ZNF180: variants seen among roughly 807,000 people sequenced by gnomAD.
The protein encoded by ZNF180 is zinc finger protein 180 (HHZ168).
In ZNF180, 11 loss-of-function variants were observed where a neutral mutation model predicts 11.8. The observed-to-expected ratio is 0.93, with a 90% confidence interval of 0.59 to 1.55. ZNF180 has a LOEUF of 1.55. ZNF180 is among the 40% of genes most tolerant of loss of function. The probability of loss-of-function intolerance (pLI) is 0.00; values close to 1 mark genes in which losing one functional copy is unlikely to be tolerated. For missense variants in ZNF180, 773 were observed against 781.7 expected, an observed-to-expected ratio of 0.99 and a Z score of 0.13; for synonymous variants, 287 against 257.7, an observed-to-expected ratio of 1.11 and a Z score of -1.09.
chr19:44,490,293 AGGCGTGAGTCACCACAACT>A (rs1348676107), intron 2 of ZNF180, among the ~76,000 whole-genome samples: 1 of 152,230 alleles, frequency 6.6e-6, no homozygotes, highest in East Asian at 1.9e-4. Context: ...GTGGGATTAC[AGGCGTGAGTCACCACAACT>A]GGCCTAAACT....
At chr19:44,479,539 C>A in intron 3 of ZNF180, 130 bp from the exon 4 acceptor site, 1 of 1,262,530 alleles carries the variant, frequency 7.9e-7, no homozygotes, top group Non-Finnish European at 1.1e-6. Context: ...TGTCAGTGCC[C>A]AAAAGATTCC....
chr19:44,492,485 C>G (rs1206819683), intron 2 of ZNF180, among the ~76,000 whole-genome samples: 1 of 152,068 alleles, frequency 6.6e-6, no homozygotes, highest in Admixed American at 6.6e-5. Context: ...TTGACTTGCA[C>G]AGAGAAAAGG....
Position 44,476,476 on chromosome 19 carries a change from C to T in ZNF180, c.1924G>A (p.Ala642Thr), listed in dbSNP as rs754878929. The T allele has an allele frequency of 3.1e-6, 5 of 1,614,002 alleles. No homozygotes were observed. Among genetic ancestry groups the T allele is most frequent in the Non-Finnish European group, 4.2e-6 (5 of 1,179,934 alleles). Reference protein sequence around the residue: ...KPFTCIQCGKAFINSYKLIRH... With the variant: ...KPFTCIQCGKTFINSYKLIRH... ...ATAAGTTTATAGCTATTAATGAAAG[C>T]TTTTCCACACTGAATACATGTAAAG... Residue 642 changes from alanine (A) to threonine (T), a missense_variant, in exon 5 of 5, where the codon GCT (alanine) becomes ACT (threonine). Transcript: ENST00000592529.
At position 44,476,775 on chromosome 19, in the gene ZNF180, C is replaced by T. The variant is rs775083814; in HGVS notation, c.1625G>A (p.Arg542Lys). 1.2e-6 allele frequency: 2 copies of T among 1,613,998 alleles called. No homozygotes were observed. The highest frequency in any genetic ancestry group is 1.7e-6 in the Non-Finnish European group (2 of 1,180,008). Residue 542 changes from arginine to lysine, a missense_variant, in exon 5 of 5, where the codon AGA becomes AAA. By Grantham distance (26) the Arg-to-Lys change is conservative. Transcript: ENST00000592529. ...NRSSHLVMHQ[R>K]IHTGEKPYEC... ...ATACGGTTTTTCCCCAGTGTGAATT[C>T]TCTGATGCATAACAAGGTGAGAACT...
Position 44,477,227 on chromosome 19 carries a change from A to G in ZNF180, c.1173T>C (p.Phe391=), listed in dbSNP as rs775032668. ...GCACAACAAGGACATAACTCTGGCTAAAGGATTTCCCACATTGATTACACC... is the reference window on the plus strand; with the variant it reads ...GCACAACAAGGACATAACTCTGGCTGAAGGATTTCCCACATTGATTACACC... The part of the protein sequence containing the change: ...PYRCNQCGKS[F]SQSYVLVVHQ... Residue 391 remains phenylalanine, a synonymous_variant, in exon 5 of 5, where the codon TTT becomes TTC. Transcript: ENST00000592529. 7 of 1,614,048 alleles carry G rather than the reference A, an allele frequency of 4.3e-6. No individual in the cohort carries two copies. In the South Asian group the frequency reaches 6.6e-5, roughly 15 times the overall value.
chr19:44,478,295 T>A, intron 4 of ZNF180, 149 bp from the exon 5 acceptor site: 1 of 750,076 alleles, frequency 1.3e-6, no homozygotes, highest in Non-Finnish European at 2.0e-6. Context: ...AAGGGTGAGA[T>A]AAAGTATTAA....
chr19:44,489,966 GA>G (rs1480564629), intron 2 of ZNF180, among the ~76,000 whole-genome samples: 21 of 109,828 alleles, frequency 1.9e-4, no homozygotes, highest in African/African-American at 6.6e-4. Context: ...AAGAAAGAAA[GA>G]AAAGAAAGAA....
chr19:44,497,392 A>G lies in ZNF180; in HGVS notation c.-43-15T>C. On this transcript the variant is annotated splice_polypyrimidine_tract_variant and intron_variant, in intron 1 of 4. Transcript: ENST00000592529. The stretch of plus-strand genomic sequence containing the variant: ...CCTGAGCTGCACTGAGAGAAGCCCC[A>G]AGTACAGCATGAAGATGTAGGTCTG... The G allele has an allele frequency of 6.3e-7, 1 of 1,584,586 alleles. No homozygotes were observed. Among genetic ancestry groups the G allele is most frequent in the Non-Finnish European group, 8.5e-7 (1 of 1,170,164 alleles).
Position 44,497,329 on chromosome 19 carries a change from T to G in ZNF180, c.6A>C (p.Glu2Asp). Residue 2 changes from glutamate (E) to aspartate (D), a missense_variant, in exon 2 of 5, where the codon GAA becomes GAC. Coordinates refer to ENST00000592529, the MANE Select transcript of ZNF180 (RefSeq NM_001278509.3). M[E>D]EQDEKPPEPP... ...GCTCTGGGGGCTTCTCATCCTGCTC[T>G]TCCATGCTCTCCTCCAGGCACAGCA... The G allele has an allele frequency of 6.3e-7, 1 of 1,597,346 alleles. No homozygotes were observed. Among genetic ancestry groups the G allele is most frequent in the Non-Finnish European group, 8.5e-7 (1 of 1,174,610 alleles).
At chr19:44,488,653 G>A (rs1004521937) in intron 2 of ZNF180, among the ~76,000 whole-genome samples, 1 of 152,042 alleles carries the variant, frequency 6.6e-6, no homozygotes, top group African/African-American at 2.4e-5. Flanking sequence ...GCCTCCCAAA[G>A]TGCCAAGATT....
In ZNF180 at chr19:44,477,763, T is replaced by G. The variant is rs367661563; in HGVS notation, c.637A>C (p.Asn213His). The G allele has an allele frequency of 2.5e-6, 4 of 1,613,846 alleles. No individual in the cohort carries two copies. In the African/African-American group the frequency reaches 5.3e-5, roughly 22 times the overall value. ...NAAVNSHQKINENETLYENNE... is the reference protein window; with the variant it reads ...NAAVNSHQKIHENETLYENNE... ...TTTTCATATAGTGTCTCATTCTCAT[T>G]AATCTTCTGATGACTGTTTACAGCA... The change falls in exon 5 of 5, where the codon AAT becomes CAT. Residue 213 changes from asparagine (N) to histidine (H), a missense_variant. Coordinates refer to ENST00000592529, the MANE Select transcript of ZNF180 (RefSeq NM_001278509.3).
chr19:44,492,803 C>A (rs193044587), intron 2 of ZNF180, among the ~76,000 whole-genome samples: 83 of 152,254 alleles, frequency 5.5e-4, no homozygotes, highest in African/African-American at 1.8e-3. Context: ...AGGAAACCCT[C>A]TATATCTGTG....
Position 44,477,618 on chromosome 19 carries a change from AG to A in ZNF180, c.781del (p.Leu261TyrfsTer23). 6.2e-7 allele frequency: 1 copy of A among 1,613,970 alleles called. No homozygotes were observed. Among genetic ancestry groups the A allele is most frequent in the East Asian group, 2.2e-5 (1 of 44,880 alleles). On this transcript the variant is annotated frameshift_variant, in exon 5 of 5. Transcript: ENST00000592529. LOFTEE classifies it low-confidence loss of function (END_TRUNC). ...TCCATGAATTTTTTCATGTATATGT[AG>A]GGGTGTACCATGGCAAAAAGATTGA... ...RIQSFCHGTP[L>X]HIHEKIHGGG...
Position 44,479,224 on chromosome 19 carries a change from A to C in ZNF180, c.253+59T>G, listed in dbSNP as rs566967716. On this transcript the variant is annotated intron_variant, in intron 4 of 4. Coordinates refer to ENST00000592529, the MANE Select transcript of ZNF180 (RefSeq NM_001278509.3). ...TGCTGAATTTCACAGTTCTTAATCG[A>C]TCAGAATGTGAAATCATTTCAGTAG... 8 of 1,583,912 alleles carry C rather than the reference A, an allele frequency of 5.1e-6. No homozygotes were observed. In the South Asian group the frequency reaches 9.2e-5, roughly 18 times the overall value.
rs1366422031 is a variant in ZNF180 at position 44,474,753 on chromosome 19, A to G, written c.*1649T>C. ...ATGTAAGACTAGGCCTGGAGCCTGG[A>G]ACACATCCTTCCCAAGAGATACTGA... is the stretch of plus-strand genomic sequence containing the variant. On this transcript the variant is annotated 3_prime_UTR_variant, in exon 5 of 5. Transcript: ENST00000592529. 1 of 152,214 alleles carries G rather than the reference A, an allele frequency of 6.6e-6. No individual in the cohort carries two copies. Among genetic ancestry groups the G allele is most frequent in the Non-Finnish European group, 1.5e-5 (1 of 68,054 alleles). 9.4% of individuals were successfully genotyped at this position (152,214 alleles called of 1,614,324 possible). A position where few individuals can be genotyped will look rare whatever the true frequency, so the allele number is the denominator to read the frequency against.
At chr19:44,486,730 TC>T (rs1480396917) in intron 2 of ZNF180, among the ~76,000 whole-genome samples, 1 of 151,958 alleles carries the variant, frequency 6.6e-6, no homozygotes, top group Non-Finnish European at 1.5e-5. Flanking sequence ...ACAGTGAGGC[TC>T]CCCTGTCTAT....
intron 2 of ZNF180, among the ~76,000 whole-genome samples, chr19:44,491,060 G>A (rs975452998): frequency 3.9e-5 from 6 of 152,120 alleles, no homozygotes; most frequent in African/African-American, 9.7e-5. Flanking sequence ...CCTGTTTACC[G>A]TGACTCCACC....
At chr19:44,481,345 T>C (rs2123450095) in intron 3 of ZNF180, among the ~76,000 whole-genome samples, 1 of 152,294 alleles carries the variant, frequency 6.6e-6, no homozygotes, top group African/African-American at 2.4e-5. Context: ...AAACCTCAAA[T>C]GTTTTCATGA....
chr19:44,483,991 CTTTCTTT>C (rs1970150415), intron 3 of ZNF180, among the ~76,000 whole-genome samples: 1 of 102,226 alleles, frequency 9.8e-6, no homozygotes. Context: ...CACTTTCTTT[CTTTCTTT>C]TTTTTTTTTT....
Sources: allele counts gnomAD v4.1 joint callset (sites outside exome capture counted in the v4.1 genomes callset), GRCh38; gene constraint gnomAD v4.1.1; transcripts MANE v1.5; gene names NCBI Gene and HGNC (gene_info 2026-07-23, HGNC 2026-07-21).